TRIM29: variants seen among roughly 807,000 people sequenced by gnomAD.
TRIM29 encodes tripartite motif-containing protein 29.
In TRIM29, 52 loss-of-function variants were observed where a neutral mutation model predicts 57.3. The ratio of observed to expected loss-of-function variants is 0.91; its 90% confidence interval spans 0.73 to 1.14. The LOEUF is 1.14. Ranked by LOEUF, TRIM29 falls within the 50% of genes most tolerant of loss-of-function variation. The pLI, the probability that TRIM29 is intolerant of heterozygous loss-of-function variation, is 0.00. For synonymous variants in TRIM29, 319 were observed against 316.9 expected, an observed-to-expected ratio of 1.01 and a Z score of -0.07; for missense variants, 753 against 774.6, an observed-to-expected ratio of 0.97 and a Z score of 0.33.
In TRIM29 at chr11:120,120,826, A is replaced by C. The variant is rs535832584; in HGVS notation, c.1436-161T>G. On this transcript the variant is annotated intron_variant, in intron 5 of 8. Transcript: ENST00000341846. The stretch of plus-strand genomic sequence containing the variant: ...GTCAATCAACTAATTTATCACCCAA[A>C]TTGGCATGCTTTTGAGAGTAGAAGG... 64 of 707,448 alleles carry C rather than the reference A, an allele frequency of 9.0e-5. No homozygotes were observed. The African/African-American group carries it at 9.6e-4, about 11-fold the overall frequency. 43.8% of individuals were successfully genotyped at this position (707,448 alleles called of 1,614,324 possible).
chr11:120,127,088 T>C (rs1350195617), intron 3 of TRIM29, among the ~76,000 whole-genome samples: 1 of 152,196 alleles, frequency 6.6e-6, no homozygotes, highest in African/African-American at 2.4e-5. Context: ...TTGAAGTTGG[T>C]AAAAGGTGAT....
At position 120,125,681 on chromosome 11, in the gene TRIM29, G is replaced by A. The variant is rs181305767; in HGVS notation, c.1333+10C>T. The stretch of plus-strand genomic sequence containing the variant: ...ATGGCCTTGGGGCCCAGCCACGAGA[G>A]GGGACCTACCGTTCTCCATGTGGTT... On this transcript the variant is annotated intron_variant, in intron 4 of 8. Transcript: ENST00000341846. The A allele has an allele frequency of 1.9e-5, 31 of 1,614,040 alleles. No homozygotes were observed. The African/African-American group carries it at 2.9e-4, about 15-fold the overall frequency.
chr11:120,125,931 T>C (rs1255433395), intron 3 of TRIM29, 42 bp from the exon 4 acceptor site: 1 of 1,594,406 alleles, frequency 6.3e-7, no homozygotes, highest in Non-Finnish European at 8.6e-7. Flanking sequence ...TGGGTCTTCA[T>C]GAGCTATGAG....
chr11:120,120,546 G>A (rs760578160), intron 6 of TRIM29, 27 bp downstream of exon 6: 1 of 1,602,228 alleles, frequency 6.2e-7, no homozygotes, highest in African/African-American at 1.3e-5. Flanking sequence ...TGAACTCTGT[G>A]CACCCTTGAG....
chr11:120,137,162 TGA>T lies in TRIM29; in HGVS notation c.804+64_804+65del. On this transcript the variant is annotated intron_variant, in intron 1 of 8. Transcript: ENST00000341846. This position sits in a 1 kb window ranked among gnomAD's most constrained non-coding sequence, Gnocchi z 6.2. Reference sequence around the variant, plus strand: ...CCCGAGGAAGCCCGAGTGGAGAAGATGAAGTTCGGAGGGGTGGGGTGAGAGAG... The same window carrying T: ...CCCGAGGAAGCCCGAGTGGAGAAGATAGTTCGGAGGGGTGGGGTGAGAGAG... The T allele has an allele frequency of 6.4e-7, 1 of 1,560,788 alleles. No individual in the cohort carries two copies.
At chr11:120,121,909 TG>T (rs1452974453) in intron 5 of TRIM29, 8 of 446,586 alleles carry the variant, frequency 1.8e-5, no homozygotes, top group Non-Finnish European at 3.2e-5. Context: ...AGAGGGGTGC[TG>T]GGGCCGGCAC....
At position 120,137,118 on chromosome 11, in the gene TRIM29, T is replaced by C. The variant is rs746619892; in HGVS notation, c.804+110A>G. The C allele has an allele frequency of 1.2e-3, 1,474 of 1,199,780 alleles. 5 individuals are homozygous for C. In the Middle Eastern group the frequency reaches 0.029, roughly 23 times the overall value. The allele number at this position is 1,199,780 out of a possible 1,614,324, so 74.3% of individuals were successfully genotyped here. A position where few individuals can be genotyped will look rare whatever the true frequency, so the allele number is the denominator to read the frequency against. ...TGTTTTCTAAAAGAGCCAAGGACAG[T>C]AGAAACTTAAGCCCCAAACCCGAGG... On this transcript the variant is annotated intron_variant, in intron 1 of 8. Coordinates refer to ENST00000341846, the MANE Select transcript of TRIM29 (RefSeq NM_012101.4). The surrounding 1 kb of genome is among the most constrained non-coding windows in gnomAD (Gnocchi z 6.2).
rs761203630 is a variant in TRIM29, at chr11:120,127,464, C to T, written c.1006G>A (p.Glu336Lys). 2.5e-6 allele frequency: 4 copies of T among 1,614,086 alleles called. No individual in the cohort carries two copies. In the African/African-American group the frequency reaches 5.3e-5, roughly 22 times the overall value. ...EEVRAALEQR[E>K]QDAVDQVKVI... is the part of the protein sequence containing the mutation. ...TTCACTTGGTCCACAGCATCCTGCT[C>T]CCGCTGCTCCAGCGCAGCCCTCACT... The change falls in exon 3 of 9, where the codon GAG (glutamate) becomes AAG (lysine). Residue 336 changes from glutamate (E) to lysine (K), a missense_variant. Glu to Lys is a moderately conservative substitution (Grantham distance 56). Coordinates refer to ENST00000341846, the MANE Select transcript of TRIM29 (RefSeq NM_012101.4).
intron 8 of TRIM29, among the ~76,000 whole-genome samples, chr11:120,114,191 CA>C (rs1480664318): frequency 6.6e-6 from 1 of 152,136 alleles, no homozygotes; most frequent in African/African-American, 2.4e-5. Context: ...CCAGGGGCCT[CA>C]AAGTGCTGAT....
intron 3 of TRIM29, among the ~76,000 whole-genome samples, chr11:120,126,830 A>T (rs1166868854): frequency 6.6e-6 from 1 of 152,212 alleles, no homozygotes; most frequent in African/African-American, 2.4e-5. Context: ...TCCCAGCTGG[A>T]TTGCAGTTGC....
intron 8 of TRIM29, among the ~76,000 whole-genome samples, chr11:120,114,831 G>A (rs1255460684): frequency 6.6e-6 from 1 of 152,134 alleles, no homozygotes; most frequent in Non-Finnish European, 1.5e-5. Context: ...TGATATGCCT[G>A]GCCTCGGGTC....
At chr11:120,136,574 G>C (rs1591332701) in intron 1 of TRIM29, among the ~76,000 whole-genome samples, 1 of 152,300 alleles carries the variant, frequency 6.6e-6, no homozygotes, top group African/African-American at 2.4e-5. Flanking sequence ...GCCCAGCTGG[G>C]AGAAGGATAA....
intron 4 of TRIM29, chr11:120,124,646 C>T (rs1863541121): frequency 6.6e-6 from 1 of 152,226 alleles, no homozygotes; most frequent in South Asian, 2.1e-4. Flanking sequence ...AGCATCATCA[C>T]TATTGTCATT....
intron 1 of TRIM29, among the ~76,000 whole-genome samples, chr11:120,134,588 G>A (rs745877856): frequency 6.6e-6 from 1 of 152,166 alleles, no homozygotes; most frequent in Non-Finnish European, 1.5e-5. Context: ...CAGTCTCCTG[G>A]CTTCCTGGCT....
chr11:120,115,233 A>T, intron 8 of TRIM29, 105 bp downstream of exon 8: 1 of 1,119,542 alleles, frequency 8.9e-7, no homozygotes, highest in East Asian at 2.5e-5. Flanking sequence ...CCCATGGCCC[A>T]GAGAAGTCCT....
chr11:120,126,281 TCTCA>T (rs1479311640), intron 3 of TRIM29: 2 of 163,144 alleles, frequency 1.2e-5, no homozygotes, highest in African/African-American at 4.9e-5. Context: ...TTGAGGCGAG[TCTCA>T]CTCTGTTACC....
At chr11:120,118,046 C>T (rs578039249) in intron 7 of TRIM29, 177 bp downstream of exon 7, 8 of 626,876 alleles carry the variant, frequency 1.3e-5, no homozygotes, top group South Asian at 1.9e-5. Flanking sequence ...GCCCAGCCCC[C>T]ACCCCTGCCC....
intron 1 of TRIM29, 183 bp from the exon 2 acceptor site, chr11:120,128,678 C>T: frequency 6.5e-7 from 1 of 1,535,274 alleles, no homozygotes; most frequent in Non-Finnish European, 8.7e-7. Context: ...TGCCAGTCGC[C>T]AAGGATCTAG....
chr11:120,123,016 A>C lies in TRIM29; in HGVS notation c.1373T>G (p.Phe458Cys). 1 of 1,614,096 alleles carries C rather than the reference A, an allele frequency of 6.2e-7. No individual in the cohort carries two copies. Among genetic ancestry groups the C allele is most frequent in the African/African-American group, 1.3e-5 (1 of 75,012 alleles). ...GTCCGGTGCACTCCACTCACCCCCG[A>C]AGCTGTTCGTGTAGTTGTTCACATA... ...HRYVNNYTNS[F>C]GGEWSAPDTM... The change falls in exon 5 of 9, where the codon TTC (phenylalanine) becomes TGC (cysteine). Residue 458 changes from phenylalanine (F) to cysteine (C), a missense_variant. Coordinates refer to ENST00000341846, the MANE Select transcript of TRIM29 (RefSeq NM_012101.4).
Sources: allele counts gnomAD v4.1 joint callset (sites outside exome capture counted in the v4.1 genomes callset), GRCh38; gene constraint gnomAD v4.1.1; non-coding constraint Gnocchi (gnomAD v3.1); transcripts MANE v1.5; gene names NCBI Gene and HGNC (gene_info 2026-07-23, HGNC 2026-07-21).